Variants in TMCO5A observed in about 807,000 individuals in gnomAD.
TMCO5A encodes the protein transmembrane and coiled-coil domains 5A, also known as transmembrane and coiled-coil domain-containing protein 5A.
Under a neutral mutation model 42.3 loss-of-function variants are expected in TMCO5A, and 34 were observed. The observed-to-expected ratio is 0.80, with a 90% CI of 0.61 to 1.07. The LOEUF (loss-of-function observed/expected upper bound fraction) is 1.07, where lower values mean the gene tolerates loss of function less well. Among genes scored for constraint, TMCO5A ranks in the 50% least tolerant of loss-of-function variants. TMCO5A has a pLI of 0.00. For missense variants in TMCO5A, 357 were observed against 327.9 expected, an observed-to-expected ratio of 1.09 and a Z score of -0.69; for synonymous variants, 131 against 115.6, an observed-to-expected ratio of 1.13 and a Z score of -0.86.
chr15:37,983,111 C>T, the TMCO5A span, among the ~76,000 whole-genome samples: 1 of 152,086 alleles, frequency 6.6e-6, no homozygotes, highest in Non-Finnish European at 1.5e-5. Context: ...TTCATTCTTC[C>T]ATATACATGC....
chr15:37,937,029 T>A, intron 4 of TMCO5A, 59 bp downstream of exon 4: 1 of 1,598,738 alleles, frequency 6.3e-7, no homozygotes, highest in East Asian at 2.3e-5. Context: ...CCATCCTTCA[T>A]CAATTATCAG....
chr15:38,033,286 A>G, the TMCO5A span, among the ~76,000 whole-genome samples: 1 of 152,186 alleles, frequency 6.6e-6, no homozygotes, highest in Non-Finnish European at 1.5e-5. Flanking sequence ...CTGAGCTTCT[A>G]TTTAAAATTC....
the TMCO5A span, among the ~76,000 whole-genome samples, chr15:37,989,573 T>C: frequency 1.1e-4 from 16 of 152,020 alleles, no homozygotes; most frequent in Non-Finnish European, 2.4e-4. Context: ...TGTTTAAGTG[T>C]GTTTCTCCAC....
chr15:38,024,662 C>T, the TMCO5A span: 1 of 152,144 alleles, frequency 6.6e-6, no homozygotes, highest in Non-Finnish European at 1.5e-5. Context: ...TTCAATGTTT[C>T]CCCTCTTTCC....
chr15:37,980,824 T>C, the TMCO5A span, among the ~76,000 whole-genome samples: 1 of 152,040 alleles, frequency 6.6e-6, no homozygotes, highest in Non-Finnish European at 1.5e-5. Context: ...CACATGATAA[T>C]GCAACAAATC....
chr15:37,949,993 T>A (rs1890103993), intron 11 of TMCO5A, among the ~76,000 whole-genome samples: 1 of 152,178 alleles, frequency 6.6e-6, no homozygotes, highest in South Asian at 2.1e-4. Context: ...TGACAAAGTC[T>A]CAGTTCCTCA....
At chr15:37,983,590 T>C in the TMCO5A span, among the ~76,000 whole-genome samples, 1 of 152,276 alleles carries the variant, frequency 6.6e-6, no homozygotes, top group South Asian at 2.1e-4. Context: ...CACAGACTCA[T>C]AGAATTGGCA....
chr15:37,941,990 A>T (rs533544742), intron 8 of TMCO5A, among the ~76,000 whole-genome samples: 1 of 152,108 alleles, frequency 6.6e-6, no homozygotes, highest in Admixed American at 6.6e-5. Context: ...TATAATGTCA[A>T]TGATGCCCAG....
At chr15:37,987,580 G>A in the TMCO5A span, among the ~76,000 whole-genome samples, 1 of 151,956 alleles carries the variant, frequency 6.6e-6, no homozygotes, top group Non-Finnish European at 1.5e-5. Flanking sequence ...CTTTTGCAAT[G>A]TGGTCATACA....
the TMCO5A span, among the ~76,000 whole-genome samples, chr15:38,038,132 T>C: frequency 5.9e-5 from 9 of 152,216 alleles, no homozygotes; most frequent in African/African-American, 2.2e-4. Flanking sequence ...TTATACATTT[T>C]CTTTTATAGA....
chr15:37,969,034 G>C (rs534410464), downstream of TMCO5A, among the ~76,000 whole-genome samples: 1 of 152,276 alleles, frequency 6.6e-6, no homozygotes, highest in African/African-American at 2.4e-5. Flanking sequence ...CATAATATCT[G>C]GTTTTGAGAA....
intron 11 of TMCO5A, among the ~76,000 whole-genome samples, chr15:37,957,595 A>G (rs1890322764): frequency 6.6e-6 from 1 of 152,222 alleles, no homozygotes; most frequent in Non-Finnish European, 1.5e-5. Context: ...AAGAGAGGAT[A>G]CAAACAAATG....
Position 37,951,145 on chromosome 15 carries a change from A to G in TMCO5A, c.778A>G (p.Lys260Glu). The G allele has an allele frequency of 6.2e-7, 1 of 1,613,808 alleles. No individual in the cohort carries two copies. Among genetic ancestry groups the G allele is most frequent in the Non-Finnish European group, 8.5e-7 (1 of 1,179,876 alleles). Reference protein sequence around the residue: ...NPDLLVNVLPKVLGRSTLWKL... With the variant: ...NPDLLVNVLPEVLGRSTLWKL... ...AGATCTCCTCGTCAATGTACTGCCC[A>G]AGGTACTGGGCAGGAGCACCTTGTG... The change falls in exon 12 of 12, where the codon AAG (lysine) becomes GAG (glutamate). Residue 260 changes from lysine (K) to glutamate (E), a missense_variant. Lys to Glu is a moderately conservative substitution (Grantham distance 56, BLOSUM62 1). Transcript: ENST00000319669.
rs760490154 is a variant in TMCO5A at position 37,936,342 on chromosome 15, G to T, written c.19G>T (p.Ala7Ser). The T allele has an allele frequency of 1.2e-6, 2 of 1,612,210 alleles. No homozygotes were observed. Among genetic ancestry groups the T allele is most frequent in the East Asian group, 4.5e-5 (2 of 44,812 alleles). Reference protein sequence around the residue: MEISRLAQSKRNIISLN... With the variant: MEISRLSQSKRNIISLN... ...GGAGAAAATGGAAATCTCAAGATTG[G>T]CTCAGTCAAAAAGAAACATTATCAG... is the stretch of plus-strand genomic sequence containing the variant. Residue 7 changes from alanine (A) to serine (S), a missense_variant, in exon 3 of 12, where the codon GCT (alanine) becomes TCT (serine). Physicochemically the swap from Ala to Ser is moderately conservative, Grantham distance 99 (BLOSUM62 1). Coordinates refer to ENST00000319669, the MANE Select transcript of TMCO5A (RefSeq NM_152453.4).
the TMCO5A span, among the ~76,000 whole-genome samples, chr15:38,023,321 G>A: frequency 6.6e-6 from 1 of 152,296 alleles, no homozygotes; most frequent in Middle Eastern, 3.4e-3. Context: ...TAGCAGGGAT[G>A]ACTAGTCTCT....
rs2937991 is a variant in TMCO5A at position 37,941,668 on chromosome 15, T to C, written c.445-3T>C. ...TATTTACAACTAAATTTTGATTTCC[T>C]AGGTAATGAAGGAGTATGCATTTGT... is the stretch of plus-strand genomic sequence containing the variant. On this transcript the variant is annotated splice_polypyrimidine_tract_variant and splice_region_variant and intron_variant, in intron 7 of 11. Transcript: ENST00000319669. 0.99 allele frequency: 1,593,745 copies of C among 1,606,192 alleles called. 791,507 individuals carry two copies. The highest frequency in any genetic ancestry group is 1 in the East Asian group (44,770 of 44,770).
chr15:38,008,388 A>G, the TMCO5A span, among the ~76,000 whole-genome samples: 3 of 152,138 alleles, frequency 2.0e-5, no homozygotes, highest in East Asian at 5.8e-4. Context: ...TGCAGGGATG[A>G]TAGAGGGAAG....
At chr15:37,961,730 T>C (rs1890432910) in intron 11 of TMCO5A, among the ~76,000 whole-genome samples, 1 of 152,042 alleles carries the variant, frequency 6.6e-6, no homozygotes, top group Non-Finnish European at 1.5e-5. Flanking sequence ...TTTCAGTTTT[T>C]CTTGTAGAGG....
the TMCO5A span, among the ~76,000 whole-genome samples, chr15:37,992,622 T>A: frequency 6.6e-6 from 1 of 152,304 alleles, no homozygotes; most frequent in South Asian, 2.1e-4. Flanking sequence ...GTAGATTAGA[T>A]TTTAAAGATG....
Sources: gnomAD v4.1 joint callset for allele counts (sites outside exome capture counted in the v4.1 genomes callset) on GRCh38, gnomAD v4.1.1 for gene constraint, MANE v1.5 for transcripts, NCBI Gene and HGNC (gene_info 2026-07-23, HGNC 2026-07-21) for gene names.